Variants in MROH2B observed in about 807,000 individuals in gnomAD.
MROH2B encodes maestro heat-like repeat-containing protein family member 2B.
MROH2B carries 177 observed loss-of-function variants against 208.6 expected under a neutral mutation model. The observed-to-expected ratio is 0.85, with a 90% confidence interval of 0.75 to 0.96. The LOEUF is 0.96. Among genes scored for constraint, MROH2B ranks in the 40% least tolerant of loss-of-function variants. MROH2B has a pLI of 0.00. For synonymous variants in MROH2B, 728 were observed against 659.0 expected (o/e 1.10, Z -1.60); for missense variants, 2,002 against 1,878.7 (o/e 1.07, Z -1.21).
intron 28 of MROH2B, among the ~76,000 whole-genome samples, chr5:41,017,457 T>C (rs751163300): frequency 3.1e-4 from 47 of 152,370 alleles, no homozygotes; most frequent in Admixed American, 5.9e-4. Context: ...AATTGCTTAG[T>C]GATTTAAATC....
intron 19 of MROH2B, among the ~76,000 whole-genome samples, chr5:41,041,115 G>T (rs542595406): frequency 6.6e-6 from 1 of 152,292 alleles, no homozygotes; most frequent in South Asian, 2.1e-4. Flanking sequence ...AGCAATAAAT[G>T]ATAATATCTG....
chr5:41,012,508 CAGAG>C, intron 30 of MROH2B, 71 bp downstream of exon 30: 2 of 1,499,132 alleles, frequency 1.3e-6, no homozygotes, highest in Non-Finnish European at 1.8e-6. Flanking sequence ...AGTGGACAAA[CAGAG>C]AAAGTGGCTG....
At chr5:41,049,777 C>T (rs972206880) in intron 13 of MROH2B, among the ~76,000 whole-genome samples, 1 of 152,152 alleles carries the variant, frequency 6.6e-6, no homozygotes, top group Admixed American at 6.6e-5. Flanking sequence ...GTCAATGTGA[C>T]AACCAAAAAT....
At chr5:41,030,728 T>C (rs991381793) in intron 24 of MROH2B, among the ~76,000 whole-genome samples, 7 of 152,008 alleles carry the variant, frequency 4.6e-5, no homozygotes, top group African/African-American at 1.7e-4. Flanking sequence ...TATAAAACTA[T>C]AGTTACTGAA....
intron 24 of MROH2B, among the ~76,000 whole-genome samples, chr5:41,026,368 C>A (rs1177658307): frequency 6.6e-6 from 1 of 152,156 alleles, no homozygotes; most frequent in Non-Finnish European, 1.5e-5. Context: ...GTGCAAAAAT[C>A]ACAAGCATTC....
intron 6 of MROH2B, among the ~76,000 whole-genome samples, chr5:41,059,255 C>T (rs904129569): frequency 6.6e-6 from 1 of 152,026 alleles, no homozygotes; most frequent in African/African-American, 2.4e-5. Context: ...AAATCATCAA[C>T]TTCCAGAGTA....
At chr5:41,067,588 G>A (rs1364776435) in intron 2 of MROH2B, among the ~76,000 whole-genome samples, 2 of 152,066 alleles carry the variant, frequency 1.3e-5, no homozygotes, top group South Asian at 2.1e-4. Context: ...CGCTGGTCTC[G>A]AACTCCTGAC....
At chr5:41,021,964 G>T (rs543318909) in intron 24 of MROH2B, among the ~76,000 whole-genome samples, 38 of 152,276 alleles carry the variant, frequency 2.5e-4, no homozygotes, top group African/African-American at 8.9e-4. Context: ...TACGACAAGG[G>T]TGCCAAGACC....
At chr5:41,021,871 G>A (rs144186443) in intron 24 of MROH2B, among the ~76,000 whole-genome samples, 1,950 of 151,918 alleles carry the variant, frequency 0.013, 30 homozygotes, top group Admixed American at 0.024. Context: ...GTGAGACCCC[G>A]TCTCAAAAAA....
In MROH2B at chr5:41,044,769, GA is replaced by G. The variant is rs760805238; in HGVS notation, c.1836+976del. Among the ~76,000 whole-genome samples, 4 of 152,306 alleles carry G rather than the reference GA, an allele frequency of 2.6e-5. No homozygotes were observed. In the East Asian group the frequency reaches 5.8e-4, roughly 22 times the overall value. ...GAAGATTGATAATGATTACTTTGTGGAAAGAAATACTGAGTACTGGAACTGA... is the reference window on the plus strand; with the variant it reads ...GAAGATTGATAATGATTACTTTGTGGAAGAAATACTGAGTACTGGAACTGA... On this transcript the variant is annotated intron_variant, in intron 18 of 41. Coordinates refer to ENST00000399564, the MANE Select transcript of MROH2B (RefSeq NM_173489.5).
chr5:41,019,012 C>T lies in MROH2B; in HGVS notation c.2448G>A (p.Leu816=). Residue 816 remains leucine, a synonymous_variant, in exon 25 of 42, where the codon CTG becomes CTA. Transcript: ENST00000399564. ...GGTCTTGTAGTGAGAGCTGAGGTTT[C>T]AGTTTACTGAAATGAGAACCAGGTG... ...ALIAIRYLSK[L]KPQLSLQDHL... The T allele has an allele frequency of 6.2e-7, 1 of 1,613,814 alleles. No homozygotes were observed. The highest frequency in any genetic ancestry group is 1.7e-4 in the Middle Eastern group (1 of 6,060).
intron 24 of MROH2B, among the ~76,000 whole-genome samples, chr5:41,024,413 C>G (rs1742275015): frequency 6.6e-6 from 1 of 151,918 alleles, no homozygotes; most frequent in Admixed American, 6.6e-5. Context: ...GACTTTAAAC[C>G]AAAAAAGATC....
chr5:41,051,339 A>G (rs1743278008), intron 12 of MROH2B, among the ~76,000 whole-genome samples: 1 of 152,208 alleles, frequency 6.6e-6, no homozygotes, highest in Admixed American at 6.5e-5. Context: ...CTTCAACTGC[A>G]GATATCCCCT....
intron 29 of MROH2B, among the ~76,000 whole-genome samples, chr5:41,014,196 T>C (rs1175620288): frequency 3.3e-5 from 5 of 152,154 alleles, no homozygotes; most frequent in Non-Finnish European, 7.3e-5. Context: ...AACACCAATA[T>C]AAATCTGTAA....
Position 41,033,879 on chromosome 5 carries a change from A to C in MROH2B, c.2215-15T>G. 1.3e-6 allele frequency: 2 copies of C among 1,549,362 alleles called. No homozygotes were observed. Among genetic ancestry groups the C allele is most frequent in the Non-Finnish European group, 1.7e-6 (2 of 1,145,192 alleles). Reference sequence around the variant, plus strand: ...ATGCCCAGAACCTAAAAAAAATCAAAGGCAAAATTAGATACTCAATGAGTG... The same window carrying C: ...ATGCCCAGAACCTAAAAAAAATCAACGGCAAAATTAGATACTCAATGAGTG... On this transcript the variant is annotated splice_polypyrimidine_tract_variant and intron_variant, in intron 21 of 41. Transcript: ENST00000399564.
intron 13 of MROH2B, among the ~76,000 whole-genome samples, chr5:41,049,798 C>T (rs964658732): frequency 6.6e-6 from 1 of 152,164 alleles, no homozygotes; most frequent in African/African-American, 2.4e-5. Context: ...CCCCCAAGTA[C>T]TTCCCAAAAC....
intron 18 of MROH2B, 147 bp downstream of exon 18, chr5:41,045,599 T>C: frequency 1.6e-6 from 1 of 613,162 alleles, no homozygotes; most frequent in Non-Finnish European, 2.9e-6. Context: ...TATTCAACTT[T>C]CAGCTAGTGG....
chr5:41,029,937 C>A (rs1318855561), intron 24 of MROH2B, among the ~76,000 whole-genome samples: 1 of 151,870 alleles, frequency 6.6e-6, no homozygotes, highest in Non-Finnish European at 1.5e-5. Flanking sequence ...CACATGTACT[C>A]CCAAATCTAA....
intron 2 of MROH2B, among the ~76,000 whole-genome samples, chr5:41,069,488 C>T (rs575418619): frequency 1.6e-3 from 241 of 152,170 alleles, no homozygotes; most frequent in African/African-American, 5.5e-3. Context: ...ATTTTCTAGA[C>T]ATAGATGCTG....
Sources: allele counts gnomAD v4.1 joint callset (sites outside exome capture counted in the v4.1 genomes callset), GRCh38; gene constraint gnomAD v4.1.1; transcripts MANE v1.5; gene names NCBI Gene and HGNC (gene_info 2026-07-23, HGNC 2026-07-21).